The following PLEKHA8 variants were observed in gnomAD, a reference collection of about 807,000 sequenced individuals.
PLEKHA8 encodes pleckstrin homology domain-containing family A member 8.
PLEKHA8 carries 36 observed loss-of-function variants against 68.2 expected under a neutral mutation model. The ratio of observed to expected loss-of-function variants is 0.53; its 90% CI spans 0.40 to 0.70. The LOEUF is 0.70. PLEKHA8 is among the 30% of genes least tolerant of loss of function. The pLI is 0.00. For synonymous variants in PLEKHA8, 211 were observed against 216.1 expected (o/e 0.98, Z 0.20); for missense variants, 505 against 615.4 (o/e 0.82, Z 1.90).
At chr7:30,104,811 C>T (rs1244328928) in intron 13 of PLEKHA8, among the ~76,000 whole-genome samples, 6 of 151,072 alleles carry the variant, frequency 4.0e-5, no homozygotes, top group Admixed American at 2.6e-4. Flanking sequence ...CAATCTCCAC[C>T]TCCAGGGTTC....
chr7:30,055,425 A>C, intron 9 of PLEKHA8, 83 bp downstream of exon 9: 1 of 1,186,098 alleles, frequency 8.4e-7, no homozygotes, highest in Non-Finnish European at 1.3e-6. Context: ...AATACCCCAA[A>C]CTATGTGTAC....
At chr7:30,036,350 A>C (rs995297116) in intron 1 of PLEKHA8, among the ~76,000 whole-genome samples, 1 of 152,092 alleles carries the variant, frequency 6.6e-6, no homozygotes, top group African/African-American at 2.4e-5. Context: ...GTGACAGAGC[A>C]AGACTGTCAC....
chr7:30,081,165 A>G lies in PLEKHA8; in HGVS notation c.*2378A>G, dbSNP rs1794912637. On this transcript the variant is annotated 3_prime_UTR_variant, in exon 14 of 14. Transcript: ENST00000449726. ...GAGGGGCTTAATATTATCTGAGATC[A>G]TTGAGAACCCAGATCAGACAGAATA... 1 of 985,312 alleles carries G rather than the reference A, an allele frequency of 1.0e-6. No individual in the cohort carries two copies. Among genetic ancestry groups the G allele is most frequent in the South Asian group, 4.7e-5 (1 of 21,296 alleles). The allele number at this position is 985,312 out of a possible 1,614,324, so 61.0% of individuals were successfully genotyped here. A position where few individuals can be genotyped will look rare whatever the true frequency, so the allele number is the denominator to read the frequency against.
rs781176622 is a variant in PLEKHA8 at position 30,061,973 on chromosome 7, C to T, written c.1175C>T (p.Ala392Val). The change falls in exon 11 of 14, where the codon GCG becomes GTG. Residue 392 changes from alanine (A) to valine (V), a missense_variant. Transcript: ENST00000449726. The part of the protein sequence containing the change: ...LQKIVLHEVE[A>V]DVAQVRNSAT... ...AAGATAGTGCTGCACGAAGTGGAGGCGGATGTAGCCCAGGTTAGGAACTCA... is the reference window on the plus strand; with the variant it reads ...AAGATAGTGCTGCACGAAGTGGAGGTGGATGTAGCCCAGGTTAGGAACTCA... The T allele has an allele frequency of 3.1e-6, 5 of 1,613,982 alleles. No individual in the cohort carries two copies. Among genetic ancestry groups the T allele is most frequent in the Non-Finnish European group, 2.5e-6 (3 of 1,179,936 alleles).
At chr7:30,044,692 CAG>C (rs1791811256) in intron 1 of PLEKHA8, among the ~76,000 whole-genome samples, 1 of 152,176 alleles carries the variant, frequency 6.6e-6, no homozygotes. Flanking sequence ...CATGTGATAA[CAG>C]TATGTTCAGG....
At chr7:30,088,901 TG>T (rs1372215731), downstream of PLEKHA8, among the ~76,000 whole-genome samples, 4 of 28,578 alleles carry the variant, frequency 1.4e-4, no homozygotes, top group Non-Finnish European at 2.0e-4. Flanking sequence ...TTATTTTGAG[TG>T]GGGGTGTTGT....
chr7:30,105,542 C>A (rs148973262), intron 13 of PLEKHA8, among the ~76,000 whole-genome samples: 1 of 152,216 alleles, frequency 6.6e-6, no homozygotes, highest in East Asian at 1.9e-4. Flanking sequence ...GCATTCCAAT[C>A]CAGTTCAAAT....
At chr7:30,086,799 T>G (rs1221477030), downstream of PLEKHA8, among the ~76,000 whole-genome samples, 1 of 152,188 alleles carries the variant, frequency 6.6e-6, no homozygotes, top group Admixed American at 6.5e-5. Flanking sequence ...TGTTGGTAGG[T>G]TAGAAGAGCT....
At chr7:30,064,795 C>A (rs970296812) in intron 12 of PLEKHA8, among the ~76,000 whole-genome samples, 2 of 152,162 alleles carry the variant, frequency 1.3e-5, no homozygotes, top group African/African-American at 4.8e-5. Context: ...GACTTCTCCA[C>A]CTGTTGGAAA....
At chr7:30,110,543 A>C (rs1796238270) in intron 13 of PLEKHA8, among the ~76,000 whole-genome samples, 1 of 152,166 alleles carries the variant, frequency 6.6e-6, no homozygotes, top group African/African-American at 2.4e-5. Context: ...TAGGAGCACA[A>C]TTGCTTATTG....
chr7:30,090,056 A>G, intron 12 of PLEKHA8: 1 of 1,274,120 alleles, frequency 7.8e-7, no homozygotes, highest in Non-Finnish European at 1.1e-6. Flanking sequence ...ACCAAAAATA[A>G]AAAGGAACTA....
intron 9 of PLEKHA8, among the ~76,000 whole-genome samples, chr7:30,059,980 G>A (rs1025511665): frequency 6.8e-6 from 1 of 147,262 alleles, no homozygotes; most frequent in Non-Finnish European, 1.5e-5. Context: ...TCAGGAGATC[G>A]AGACCGTCTT....
intron 2 of PLEKHA8, 58 bp downstream of exon 2, chr7:30,045,259 A>G: frequency 1.5e-6 from 2 of 1,338,940 alleles, no homozygotes; most frequent in Admixed American, 3.8e-5. Flanking sequence ...CTCAAAAACA[A>G]AAAAGCCCCT....
At chr7:30,041,272 T>G (rs1791510292) in intron 1 of PLEKHA8, among the ~76,000 whole-genome samples, 1 of 152,226 alleles carries the variant, frequency 6.6e-6, no homozygotes, top group South Asian at 2.1e-4. Flanking sequence ...AAAGTTTTTC[T>G]TGGTCACAGT....
intron 13 of PLEKHA8, among the ~76,000 whole-genome samples, chr7:30,124,749 GCAAAGGTTCTTTTTAAT>G (rs764864387): frequency 7.4e-4 from 112 of 152,122 alleles, no homozygotes; most frequent in Non-Finnish European, 1.3e-3. Context: ...TTATGAAAGA[GCAAAGGTTCTTTTTAAT>G]CATGTTGCCT....
At chr7:30,060,838 A>T in intron 9 of PLEKHA8, 46 bp from the exon 10 acceptor site, 1 of 1,475,782 alleles carries the variant, frequency 6.8e-7, no homozygotes, top group Non-Finnish European at 9.4e-7. Context: ...AAATATTGCC[A>T]CTTAAAAATT....
chr7:30,044,011 A>ACGCAG (rs1472683640), intron 1 of PLEKHA8, among the ~76,000 whole-genome samples: 2 of 151,832 alleles, frequency 1.3e-5, no homozygotes, highest in Non-Finnish European at 2.9e-5. Context: ...AACAAGGTTT[A>ACGCAG]CGCAGAGATA....
At chr7:30,126,816 T>G (rs1796778857) in intron 13 of PLEKHA8, among the ~76,000 whole-genome samples, 3 of 152,202 alleles carry the variant, frequency 2.0e-5, no homozygotes, top group Admixed American at 2.0e-4. Flanking sequence ...TGAGAGTTAT[T>G]CACTATCATG....
At chr7:30,050,359 G>A (rs1352235593) in intron 5 of PLEKHA8, 75 bp from the exon 6 acceptor site, 6 of 1,491,420 alleles carry the variant, frequency 4.0e-6, no homozygotes, top group African/African-American at 1.4e-5. Flanking sequence ...TTACCATTTT[G>A]TATGTAATAA....
Sources: allele counts gnomAD v4.1 joint callset (sites outside exome capture counted in the v4.1 genomes callset), GRCh38; gene constraint gnomAD v4.1.1; transcripts MANE v1.5; gene names NCBI Gene and HGNC (gene_info 2026-07-23, HGNC 2026-07-21).